Variants in DISP3 observed in about 807,000 individuals in gnomAD.
DISP3 encodes dispatched RND transporter family member 3, also known as protein dispatched homolog 3.
In DISP3, 101 loss-of-function variants were observed where a neutral mutation model predicts 135.3. The ratio of observed to expected loss-of-function variants is 0.75; its 90% CI spans 0.64 to 0.88. The LOEUF (loss-of-function observed/expected upper bound fraction) is 0.88, where lower values mean the gene tolerates loss of function less well. Among genes scored for constraint, DISP3 ranks in the 40% least tolerant of loss-of-function variants. DISP3 has a pLI of 0.00. For missense variants in DISP3, 1,713 were observed against 1,878.6 expected (o/e 0.91, Z 1.63); for synonymous variants, 856 against 817.0 (o/e 1.05, Z -0.81).
Position 11,536,989 on chromosome 1 carries a change from T to G in DISP3, c.*303T>G. 2.5e-6 allele frequency: 1 copy of G among 398,240 alleles called. No homozygotes were observed. The highest frequency in any genetic ancestry group is 4.4e-5 in the East Asian group (1 of 22,754). 24.7% of individuals were successfully genotyped at this position (398,240 alleles called of 1,614,324 possible). A position where few individuals can be genotyped will look rare whatever the true frequency, so the allele number is the denominator to read the frequency against. The stretch of plus-strand genomic sequence containing the variant: ...CACCATGGGGGTCAGGTTATTTTTG[T>G]AGGGGGTCTCCCTCTCACACTGCCT... On this transcript the variant is annotated 3_prime_UTR_variant, in exon 21 of 21. Coordinates refer to ENST00000294484, the MANE Select transcript of DISP3 (RefSeq NM_020780.2). The surrounding 1 kb of genome is among the most constrained non-coding windows in gnomAD (Gnocchi z 4.3).
rs149440962 is a variant in DISP3, at chr1:11,514,628, A to G, written c.1453+102A>G. ...ATGCTGCAATACTCTTGAGCCCAGC[A>G]TGTCAGAGCTGGGGACACAGGGATA... On this transcript the variant is annotated intron_variant, in intron 4 of 20. Coordinates refer to ENST00000294484, the MANE Select transcript of DISP3 (RefSeq NM_020780.2). 4.5e-3 allele frequency: 6,288 copies of G among 1,408,270 alleles called. 19 individuals are homozygous for G. Among genetic ancestry groups the G allele is most frequent in the Non-Finnish European group, 5.5e-3 (5,637 of 1,020,076 alleles). 87.2% of individuals were successfully genotyped at this position (1,408,270 alleles called of 1,614,324 possible). A position where few individuals can be genotyped will look rare whatever the true frequency, so the allele number is the denominator to read the frequency against.
Position 11,520,788 on chromosome 1 carries a change from G to A in DISP3, c.2302G>A (p.Val768Met). Residue 768 changes from valine (V) to methionine (M), a missense_variant, in exon 10 of 21, where the codon GTG (valine) becomes ATG (methionine). Around this residue, in one of 2 missense-constraint regions of DISP3, gnomAD observed 1,142 missense variants for 1,384.6 expected, o/e 0.82. Coordinates refer to ENST00000294484, the MANE Select transcript of DISP3 (RefSeq NM_020780.2). This position sits in a 1 kb window ranked among gnomAD's most constrained non-coding sequence, Gnocchi z 4.8. ...CTTCCGGCCTGATACCAACATCCAG[G>A]TGCTGCTGGACCTCAAGTACAACCT... ...LLFRPDTNIQ[V>M]LLDLKYNLSA... 1 of 1,613,480 alleles carries A rather than the reference G, an allele frequency of 6.2e-7. No individual in the cohort carries two copies. Among genetic ancestry groups the A allele is most frequent in the Non-Finnish European group, 8.5e-7 (1 of 1,179,982 alleles).
chr1:11,535,960 G>A (rs1275116283), intron 20 of DISP3, among the ~76,000 whole-genome samples: 1 of 152,166 alleles, frequency 6.6e-6, no homozygotes, highest in African/African-American at 2.4e-5. Context: ...CGACCCAGAG[G>A]CCACAAGTCT....
At position 11,517,722 on chromosome 1, in the gene DISP3, G is replaced by C. The variant is rs1570117262; in HGVS notation, c.1889+120G>C. 2.3e-6 allele frequency: 3 copies of C among 1,307,418 alleles called. No individual in the cohort carries two copies. In the East Asian group the frequency reaches 7.6e-5, roughly 33 times the overall value. The allele number at this position is 1,307,418 out of a possible 1,614,324, so 81.0% of individuals were successfully genotyped here. ...TATGACCAGTCCTTTGCTAGGCAGGGAACAGGGAAGGAGAAGATGCTTCCA... is the reference window on the plus strand; with the variant it reads ...TATGACCAGTCCTTTGCTAGGCAGGCAACAGGGAAGGAGAAGATGCTTCCA... On this transcript the variant is annotated intron_variant, in intron 7 of 20. Transcript: ENST00000294484.
At chr1:11,510,609 T>TTTCAGTGTTTTTGTTTC (rs59899154) in intron 3 of DISP3, among the ~76,000 whole-genome samples, 2 of 151,930 alleles carry the variant, frequency 1.3e-5, no homozygotes, top group African/African-American at 2.4e-5. Flanking sequence ...TCATTACCAT[T>TTTCAGTGTTTTTGTTTC]TTTGTATAGA....
In DISP3 at chr1:11,520,392, C is replaced by T. The variant is rs1190134962; in HGVS notation, c.2201-295C>T. On this transcript the variant is annotated intron_variant, in intron 9 of 20. Coordinates refer to ENST00000294484, the MANE Select transcript of DISP3 (RefSeq NM_020780.2). This position sits in a 1 kb window ranked among gnomAD's most constrained non-coding sequence, Gnocchi z 4.8. ...GAGTTGTGTGAGATCAAGTAGTGCA[C>T]CAGCTCGTCATAAACTATGAGGTGC... is the stretch of plus-strand genomic sequence containing the variant. 1.3e-5 allele frequency among the ~76,000 whole-genome samples: 2 copies of T among 152,128 alleles called. No individual in the cohort carries two copies. Among genetic ancestry groups the T allele is most frequent in the Non-Finnish European group, 2.9e-5 (2 of 68,026 alleles).
rs755536980 is a variant in DISP3, at chr1:11,529,869, A to G, written c.3012A>G (p.Leu1004=). The change falls in exon 15 of 21, where the codon CTA becomes CTG. Residue 1004 remains leucine (L), a synonymous_variant. Coordinates refer to ENST00000294484, the MANE Select transcript of DISP3 (RefSeq NM_020780.2). The surrounding 1 kb of genome is among the most constrained non-coding windows in gnomAD (Gnocchi z 4.7). ...GCGGGAAGCCGGCGGTGCGGCCACT[A>G]GTGGATACCGGGGCCATGGTCTTTG... The part of the protein sequence containing the change: ...TGCGKPAVRP[L]VDTGAMVFVV... The G allele has an allele frequency of 1.8e-5, 29 of 1,613,860 alleles. No individual in the cohort carries two copies. The highest frequency in any genetic ancestry group is 2.3e-5 in the Non-Finnish European group (27 of 1,180,012).
intron 13 of DISP3, among the ~76,000 whole-genome samples, chr1:11,527,834 C>G (rs979453918): frequency 4.6e-5 from 7 of 152,192 alleles, no homozygotes; most frequent in African/African-American, 1.4e-4. Context: ...AAGTCCCTGT[C>G]CAAAAGTCAC....
chr1:11,508,212 G>A (rs1370329110), intron 3 of DISP3, among the ~76,000 whole-genome samples: 1 of 152,120 alleles, frequency 6.6e-6, no homozygotes, highest in Admixed American at 6.5e-5. Flanking sequence ...CTTGAGGCCA[G>A]GAGGTTAAGA....
Position 11,535,459 on chromosome 1 carries a change from C to G in DISP3, c.3650-19C>G, listed in dbSNP as rs748608131. On this transcript the variant is annotated intron_variant, in intron 19 of 20. Coordinates refer to ENST00000294484, the MANE Select transcript of DISP3 (RefSeq NM_020780.2). ...CAGGGCGGGGGATCCGAGCTGCCCC[C>G]CCTGCTGTCTCCTTGCAGGCATCGT... The G allele has an allele frequency of 1.3e-5, 20 of 1,592,890 alleles. No individual in the cohort carries two copies. In the South Asian group the frequency reaches 1.9e-4, roughly 15 times the overall value.
In DISP3 at chr1:11,536,647, C is replaced by A. The variant is rs374986694; in HGVS notation, c.4140C>A (p.Ser1380Arg). 1 of 1,596,394 alleles carries A rather than the reference C, an allele frequency of 6.3e-7. No homozygotes were observed. Among genetic ancestry groups the A allele is most frequent in the Admixed American group, 1.7e-5 (1 of 57,846 alleles). ...GLGACLVLLQ[S>R]GYKIPLPAGA... ...GTGCCTGCCTCGTGCTCCTGCAGAG[C>A]GGCTATAAGATTCCCCTGCCCGCAG... Residue 1380 changes from serine (S) to arginine (R), a missense_variant, in exon 21 of 21, where the codon AGC becomes AGA. By Grantham distance (110) the Ser-to-Arg change is moderately radical. This residue lies in a region of DISP3 where 1,142 missense variants were observed against 1,384.6 expected (regional missense o/e 0.82). Coordinates refer to ENST00000294484, the MANE Select transcript of DISP3 (RefSeq NM_020780.2). The surrounding 1 kb of genome is among the most constrained non-coding windows in gnomAD (Gnocchi z 4.3).
intron 1 of DISP3, among the ~76,000 whole-genome samples, chr1:11,500,568 C>A (rs1033610883): frequency 6.6e-6 from 1 of 152,186 alleles, no homozygotes; most frequent in African/African-American, 2.4e-5. Context: ...AAGTACTTTA[C>A]AGCTGCTCAT....
intron 17 of DISP3, 116 bp from the exon 18 acceptor site, chr1:11,534,265 C>A: frequency 7.8e-7 from 1 of 1,279,934 alleles, no homozygotes; most frequent in Non-Finnish European, 1.1e-6. Flanking sequence ...TTGTTCACAC[C>A]CTCCCCAACA....
chr1:11,500,339 C>T (rs576211401), intron 1 of DISP3, among the ~76,000 whole-genome samples: 8 of 152,360 alleles, frequency 5.3e-5, no homozygotes, highest in African/African-American at 1.9e-4. Flanking sequence ...AATCTGCTTA[C>T]GTGACTGATA....
chr1:11,523,624 C>T (rs1375664912), intron 10 of DISP3, among the ~76,000 whole-genome samples: 2 of 117,984 alleles, frequency 1.7e-5, no homozygotes, highest in African/African-American at 3.4e-5. Context: ...ACAGAGACGG[C>T]GAGCAGGGGG....
At position 11,494,407 on chromosome 1, in the gene DISP3, C is replaced by T. The variant is rs547787504; in HGVS notation, c.-3-6583C>T. ...TTTTGCCCGTTTCACCACCACATCT[C>T]CAGTGCCTCTCCAGCCTCCTGGCCT... On this transcript the variant is annotated intron_variant, in intron 1 of 20. Coordinates refer to ENST00000294484, the MANE Select transcript of DISP3 (RefSeq NM_020780.2). 4.6e-5 allele frequency among the ~76,000 whole-genome samples: 7 copies of T among 152,276 alleles called. No individual in the cohort carries two copies. In the South Asian group the frequency reaches 1.0e-3, roughly 23 times the overall value.
chr1:11,526,904 C>G, intron 13 of DISP3, 69 bp downstream of exon 13: 1 of 1,509,708 alleles, frequency 6.6e-7, no homozygotes, highest in Non-Finnish European at 8.9e-7. Context: ...TCTCTCTTTT[C>G]TCTCTCTTTT....
chr1:11,479,766 G>C (rs74053302), intron 1 of DISP3, among the ~76,000 whole-genome samples: 113 of 152,380 alleles, frequency 7.4e-4, no homozygotes, highest in Middle Eastern at 3.4e-3. Flanking sequence ...GCCGCCCTTG[G>C]ATCGGGCTCT....
At chr1:11,492,071 G>A (rs1205657054) in intron 1 of DISP3, among the ~76,000 whole-genome samples, 4 of 135,578 alleles carry the variant, frequency 3.0e-5, no homozygotes, top group African/African-American at 8.6e-5. Context: ...GCAGTGAGCC[G>A]AGATCCCGCC....
Sources: allele counts gnomAD v4.1 joint callset (sites outside exome capture counted in the v4.1 genomes callset), GRCh38; gene constraint gnomAD v4.1.1; regional missense constraint gnomAD v4.1.1; non-coding constraint Gnocchi (gnomAD v3.1); transcripts MANE v1.5; gene names NCBI Gene and HGNC (gene_info 2026-07-23, HGNC 2026-07-21).